TAFA2: variants seen among roughly 807,000 people sequenced by gnomAD.
TAFA2 encodes chemokine-like protein TAFA-2.
A neutral mutation model predicts 18.8 loss-of-function variants in TAFA2; 7 were observed. That is an observed-to-expected ratio of 0.37 (90% CI 0.21 to 0.70). The LOEUF (loss-of-function observed/expected upper bound fraction) is 0.70, where lower values mean the gene tolerates loss of function less well. Ranked by LOEUF, TAFA2 falls within the 30% of genes least tolerant of loss-of-function variation. The pLI is 0.53. For synonymous variants in TAFA2, 60 were observed against 54.2 expected (o/e 1.11, Z -0.47); for missense variants, 122 against 158.1 (o/e 0.77, Z 1.23).
intron 1 of TAFA2, among the ~76,000 whole-genome samples, chr12:62,198,664 T>C (rs914372252): frequency 1.3e-5 from 2 of 152,218 alleles, no homozygotes; most frequent in Non-Finnish European, 2.9e-5. Flanking sequence ...CTCTCACTTA[T>C]CTTTTAAATG....
intron 2 of TAFA2, among the ~76,000 whole-genome samples, chr12:61,836,310 T>C (rs1277749477): frequency 1.3e-5 from 2 of 151,934 alleles, no homozygotes; most frequent in African/African-American, 4.8e-5. Flanking sequence ...TGAAAAAATA[T>C]AAAAGATTTT....
intron 1 of TAFA2, among the ~76,000 whole-genome samples, chr12:62,181,997 C>CCAG (rs937534899): frequency 6.7e-6 from 1 of 150,098 alleles, no homozygotes; most frequent in African/African-American, 2.5e-5. Flanking sequence ...CCATCCCCCC[C>CCAG]CCGCTACACA....
chr12:62,234,862 T>A, intron 1 of TAFA2: 1 of 1,046,858 alleles, frequency 9.6e-7, no homozygotes, highest in Non-Finnish European at 1.5e-6. Flanking sequence ...CAGCAATGAC[T>A]GGGACTCAGC....
At chr12:61,953,169 A>C (rs540893587) in intron 1 of TAFA2, among the ~76,000 whole-genome samples, 35 of 152,212 alleles carry the variant, frequency 2.3e-4, no homozygotes, top group South Asian at 6.2e-4. Context: ...TGTCCTGAGA[A>C]CCTATTGCCA....
intron 2 of TAFA2, among the ~76,000 whole-genome samples, chr12:61,867,022 G>T (rs1468346130): frequency 7.3e-5 from 11 of 151,352 alleles, no homozygotes; most frequent in African/African-American, 2.2e-4. Flanking sequence ...GTGTCATGTT[G>T]GTGTGCTTCA....
At chr12:61,928,207 A>C (rs1449268129) in intron 1 of TAFA2, among the ~76,000 whole-genome samples, 1 of 152,236 alleles carries the variant, frequency 6.6e-6, no homozygotes, top group Non-Finnish European at 1.5e-5. Context: ...AGAAAATATC[A>C]TCAGAGTGTA....
At chr12:61,746,931 A>G (rs1045646199) in intron 4 of TAFA2, among the ~76,000 whole-genome samples, 1 of 152,152 alleles carries the variant, frequency 6.6e-6, no homozygotes, top group African/African-American at 2.4e-5. Flanking sequence ...TGAACAGGCA[A>G]CCTACAAAAT....
Position 62,234,677 on chromosome 12 carries a change from G to A in TAFA2, c.-130+24086C>T, listed in dbSNP as rs543082206. Reference sequence around the variant, plus strand: ...AGGAGCGTTTGGTATAAGCTTTTCCGCAGTTCTCGTAGTTGCAGCAGTAAG... The same window carrying A: ...AGGAGCGTTTGGTATAAGCTTTTCCACAGTTCTCGTAGTTGCAGCAGTAAG... On this transcript the variant is annotated intron_variant, in intron 1 of 5. Transcript: ENST00000551619. 3.2e-4 allele frequency: 310 copies of A among 969,968 alleles called. 1 individual carries two copies. In the East Asian group the frequency reaches 3.7e-3, roughly 12 times the overall value. 60.1% of individuals were successfully genotyped at this position (969,968 alleles called of 1,614,324 possible).
At chr12:62,257,390 T>C (rs2062945899) in intron 1 of TAFA2, among the ~76,000 whole-genome samples, 1 of 152,118 alleles carries the variant, frequency 6.6e-6, no homozygotes, top group Admixed American at 6.6e-5. Context: ...CTGGCTCTCT[T>C]TGACACTTTA....
intron 1 of TAFA2, among the ~76,000 whole-genome samples, chr12:62,131,687 G>A (rs1870691212): frequency 6.6e-6 from 1 of 151,966 alleles, no homozygotes; most frequent in South Asian, 2.1e-4. Flanking sequence ...TTTTGTAGCA[G>A]TAGAGAAAAT....
intron 1 of TAFA2, among the ~76,000 whole-genome samples, chr12:62,209,979 TC>T (rs1311670057): frequency 1.3e-5 from 2 of 152,070 alleles, no homozygotes; most frequent in African/African-American, 4.8e-5. Context: ...GGGAGGCAGA[TC>T]ACGAGGTCAG....
At chr12:62,021,622 T>A in intron 1 of TAFA2, 1 of 1,114,682 alleles carries the variant, frequency 9.0e-7, no homozygotes, top group Non-Finnish European at 1.4e-6. Context: ...CCCACCCTTC[T>A]GTTCTGAGAT....
At chr12:61,728,780 T>A (rs763803851) in intron 4 of TAFA2, among the ~76,000 whole-genome samples, 4 of 149,784 alleles carry the variant, frequency 2.7e-5, no homozygotes, top group Non-Finnish European at 6.0e-5. Flanking sequence ...TTCATCATGC[T>A]AGTTGGTGTC....
chr12:62,143,603 C>A (rs564122557), intron 1 of TAFA2, among the ~76,000 whole-genome samples: 1 of 152,238 alleles, frequency 6.6e-6, no homozygotes, highest in South Asian at 2.1e-4. Context: ...GCTGGCTAGA[C>A]CAATACAGCC....
chr12:62,147,449 G>A (rs1187387222), intron 1 of TAFA2, among the ~76,000 whole-genome samples: 2 of 147,436 alleles, frequency 1.4e-5, no homozygotes, highest in East Asian at 2.0e-4. Flanking sequence ...AGAAACTATC[G>A]GCCGGGCATG....
At chr12:61,872,916 A>G (rs1446229641) in intron 1 of TAFA2, among the ~76,000 whole-genome samples, 1 of 151,892 alleles carries the variant, frequency 6.6e-6, no homozygotes, top group African/African-American at 2.4e-5. Context: ...TATTTATTCT[A>G]ATCTAAAATT....
intron 1 of TAFA2, among the ~76,000 whole-genome samples, chr12:61,970,377 T>A (rs1879206947): frequency 6.6e-6 from 1 of 151,434 alleles, no homozygotes; most frequent in Non-Finnish European, 1.5e-5. Context: ...TTAGAAATAA[T>A]GGCCACAAAA....
At chr12:61,963,099 C>T (rs1206980145) in intron 1 of TAFA2, among the ~76,000 whole-genome samples, 1 of 151,860 alleles carries the variant, frequency 6.6e-6, no homozygotes, top group Non-Finnish European at 1.5e-5. Flanking sequence ...TGTATATGTG[C>T]CATATTTTCT....
intron 1 of TAFA2, among the ~76,000 whole-genome samples, chr12:62,009,181 C>G (rs1392636133): frequency 6.6e-6 from 1 of 152,150 alleles, no homozygotes; most frequent in Non-Finnish European, 1.5e-5. Context: ...GCAAAACACA[C>G]TGCTTAAACA....
Sources: allele counts gnomAD v4.1 joint callset (sites outside exome capture counted in the v4.1 genomes callset), GRCh38; gene constraint gnomAD v4.1.1; transcripts MANE v1.5; gene names NCBI Gene and HGNC (gene_info 2026-07-23, HGNC 2026-07-21).